The following PTPRT variants were observed in gnomAD, a reference collection of about 807,000 sequenced individuals.
PTPRT encodes the protein receptor-type tyrosine-protein phosphatase T.
A neutral mutation model predicts 176.8 loss-of-function variants in PTPRT; 56 were observed. The ratio of observed to expected loss-of-function variants is 0.32; its 90% CI spans 0.26 to 0.40. The LOEUF is 0.40. Among genes scored for constraint, PTPRT ranks in the 10% least tolerant of loss-of-function variants. The pLI is 1.00. For synonymous variants in PTPRT, 783 were observed against 739.0 expected (o/e 1.06, Z -0.96); for missense variants, 1,540 against 1,908.2 (o/e 0.81, Z 3.60).
At chr20:42,347,899 G>T (rs2058218580) in intron 11 of PTPRT, among the ~76,000 whole-genome samples, 1 of 152,146 alleles carries the variant, frequency 6.6e-6, no homozygotes, top group Admixed American at 6.5e-5. Flanking sequence ...CTAATTTCAT[G>T]ATTTTGTTTG....
intron 7 of PTPRT, among the ~76,000 whole-genome samples, chr20:42,621,379 A>G (rs1197742727): frequency 6.6e-6 from 1 of 152,088 alleles, no homozygotes; most frequent in Non-Finnish European, 1.5e-5. Context: ...CTCTCCAACA[A>G]CCTCCTGTCC....
intron 11 of PTPRT, among the ~76,000 whole-genome samples, chr20:42,316,416 C>A (rs1369230109): frequency 1.3e-5 from 2 of 152,204 alleles, no homozygotes; most frequent in Admixed American, 6.5e-5. Flanking sequence ...AGGTTTGCAT[C>A]TGCCCCACCT....
chr20:42,553,738 A>G (rs150635998), intron 7 of PTPRT, among the ~76,000 whole-genome samples: 200 of 152,086 alleles, frequency 1.3e-3, no homozygotes, highest in Admixed American at 3.1e-3. Context: ...AAATGTCCAG[A>G]TTAGAGTTTA....
chr20:42,976,417 T>G (rs1041561840), intron 1 of PTPRT, among the ~76,000 whole-genome samples: 5 of 152,022 alleles, frequency 3.3e-5, no homozygotes, highest in African/African-American at 1.2e-4. Flanking sequence ...ATTTTTTTTT[T>G]TTTATTGAGA....
In PTPRT at chr20:42,511,649, C is replaced by T. The variant is rs1452673758; in HGVS notation, c.1154-39087G>A. 2.6e-5 allele frequency among the ~76,000 whole-genome samples: 4 copies of T among 151,950 alleles called. No homozygotes were observed. In the South Asian group the frequency reaches 6.2e-4, roughly 24 times the overall value. On this transcript the variant is annotated intron_variant, in intron 7 of 30. Coordinates refer to ENST00000373187, the MANE Select transcript of PTPRT (RefSeq NM_007050.6). The stretch of plus-strand genomic sequence containing the variant: ...GATAAAGATCACGAAACACATGTAT[C>T]TGGAGATCAGGATTAGATATGCCCA...
chr20:42,519,311 A>G (rs1419996059), intron 7 of PTPRT, among the ~76,000 whole-genome samples: 1 of 152,094 alleles, frequency 6.6e-6, no homozygotes, highest in Admixed American at 6.6e-5. Context: ...ATTCCTTTGT[A>G]TTGCTGAGTA....
At chr20:42,597,949 AT>A (rs148082330) in intron 7 of PTPRT, among the ~76,000 whole-genome samples, 1,921 of 152,322 alleles carry the variant, frequency 0.013, 38 homozygotes, top group African/African-American at 0.044. Context: ...TGCCATAGTA[AT>A]CTCACTTGTA....
intron 1 of PTPRT, among the ~76,000 whole-genome samples, chr20:43,092,775 G>A (rs890267319): frequency 3.3e-5 from 5 of 152,156 alleles, no homozygotes; most frequent in Non-Finnish European, 7.3e-5. Context: ...GCCAAATAAA[G>A]AGGACCCACA....
intron 1 of PTPRT, among the ~76,000 whole-genome samples, chr20:43,034,019 A>T (rs1460568649): frequency 6.6e-6 from 1 of 152,186 alleles, no homozygotes; most frequent in Non-Finnish European, 1.5e-5. Context: ...GGCTCAGAAG[A>T]ATAACTCATT....
chr20:42,290,160 A>T (rs971869360), intron 12 of PTPRT, among the ~76,000 whole-genome samples: 1 of 152,068 alleles, frequency 6.6e-6, no homozygotes, highest in African/African-American at 2.4e-5. Context: ...CTCGGATTAT[A>T]TAAGTCTCTG....
chr20:42,942,284 C>A (rs1980602960), intron 1 of PTPRT, among the ~76,000 whole-genome samples: 1 of 152,174 alleles, frequency 6.6e-6, no homozygotes, highest in African/African-American at 2.4e-5. Context: ...ACTGGGCAAC[C>A]AACAGGAAAG....
In PTPRT at chr20:42,472,367, C is replaced by T. The variant is rs375946335; in HGVS notation, c.1349G>A (p.Arg450Gln). The T allele has an allele frequency of 9.3e-6, 15 of 1,614,090 alleles. No individual in the cohort carries two copies. The highest frequency in any genetic ancestry group is 2.7e-5 in the African/African-American group (2 of 74,936). The change falls in exon 8 of 31, where the codon CGA becomes CAA. Residue 450 changes from arginine (R) to glutamine (Q), a missense_variant. By Grantham distance (43) the Arg-to-Gln change is conservative. Coordinates refer to ENST00000373187, the MANE Select transcript of PTPRT (RefSeq NM_007050.6). ...GATGGTCATGAAGGGGCGCAGGCCT[C>T]GCAGGGTGTAGTGGGAGGAGGTCTG... Reference protein sequence around the residue: ...VIQTSSHYTLRGLRPFMTIRL... With the variant: ...VIQTSSHYTLQGLRPFMTIRL...
In PTPRT at chr20:42,880,324, C is replaced by T. The variant is rs76197526; in HGVS notation, c.214+5483G>A. Among the ~76,000 whole-genome samples, 698 of 152,286 alleles carry T rather than the reference C, an allele frequency of 4.6e-3. 7 individuals carry two copies. Among genetic ancestry groups the T allele is most frequent in the African/African-American group, 0.016 (645 of 41,554 alleles). On this transcript the variant is annotated intron_variant, in intron 2 of 30. Transcript: ENST00000373187. Reference sequence around the variant, plus strand: ...GTGCCTAAAATATAGTCTCAGCTCCCTGGGGACTGAGGGTCAGATTCAGGT... The same window carrying T: ...GTGCCTAAAATATAGTCTCAGCTCCTTGGGGACTGAGGGTCAGATTCAGGT...
chr20:42,941,287 A>C (rs762367342), intron 1 of PTPRT, among the ~76,000 whole-genome samples: 3 of 152,134 alleles, frequency 2.0e-5, no homozygotes, highest in Admixed American at 6.5e-5. Context: ...TAAGATGGTG[A>C]TTCAAAGGAT....
At chr20:42,647,158 A>G (rs375617607) in intron 7 of PTPRT, among the ~76,000 whole-genome samples, 10 of 151,932 alleles carry the variant, frequency 6.6e-5, no homozygotes, top group South Asian at 4.2e-4. Flanking sequence ...CTGGCCTCCA[A>G]TGTGTTGGGA....
chr20:42,563,254 T>C (rs2072982756), intron 7 of PTPRT, among the ~76,000 whole-genome samples: 1 of 152,140 alleles, frequency 6.6e-6, no homozygotes, highest in Non-Finnish European at 1.5e-5. Context: ...AAGTAGCAAC[T>C]GGTAATATAA....
intron 17 of PTPRT, among the ~76,000 whole-genome samples, chr20:42,142,628 G>A (rs571738929): frequency 3.3e-5 from 5 of 152,252 alleles, no homozygotes; most frequent in East Asian, 1.9e-4. Context: ...GGATATTACC[G>A]AACCCTATAC....
At chr20:43,120,766 C>A (rs1404655880) in intron 1 of PTPRT, among the ~76,000 whole-genome samples, 1 of 152,204 alleles carries the variant, frequency 6.6e-6, no homozygotes, top group Non-Finnish European at 1.5e-5. Flanking sequence ...AGTCTTACTG[C>A]TTCCTTCAAT....
At chr20:42,313,419 AG>A (rs1422242959) in intron 12 of PTPRT, among the ~76,000 whole-genome samples, 3 of 151,980 alleles carry the variant, frequency 2.0e-5, no homozygotes, top group African/African-American at 4.8e-5. Context: ...AGTCTGGATC[AG>A]GACCCCTTTC....
Sources: gnomAD v4.1 joint callset for allele counts (sites outside exome capture counted in the v4.1 genomes callset) on GRCh38, gnomAD v4.1.1 for gene constraint, MANE v1.5 for transcripts, NCBI Gene and HGNC (gene_info 2026-07-23, HGNC 2026-07-21) for gene names.